NTRK3: variants seen among roughly 807,000 people sequenced by gnomAD.
NTRK3 encodes NT-3 growth factor receptor.
NTRK3 carries 24 observed loss-of-function variants against 91.7 expected under a neutral mutation model. That is an observed-to-expected ratio of 0.26 (90% CI 0.19 to 0.37). NTRK3 has a LOEUF of 0.37. Among genes scored for constraint, NTRK3 ranks in the 10% least tolerant of loss-of-function variants. NTRK3 has a pLI of 1.00. For missense variants in NTRK3, 880 were observed against 1,068.9 expected, an observed-to-expected ratio of 0.82 and a Z score of 2.46; for synonymous variants, 483 against 404.0, an observed-to-expected ratio of 1.20 and a Z score of -2.34.
At chr15:88,157,242 C>T (rs569023544) in intron 5 of NTRK3, among the ~76,000 whole-genome samples, 21 of 152,204 alleles carry the variant, frequency 1.4e-4, no homozygotes, top group South Asian at 1.3e-3. Context: ...CACACACACA[C>T]CACACTACAC....
At chr15:87,981,179 G>C in intron 14 of NTRK3, 2 of 1,552,476 alleles carry the variant, frequency 1.3e-6, no homozygotes, top group Non-Finnish European at 1.7e-6. Context: ...AATTGGTTAG[G>C]GGAGGGATCT....
chr15:88,223,693 C>T (rs1368977657), intron 3 of NTRK3, among the ~76,000 whole-genome samples: 1 of 152,178 alleles, frequency 6.6e-6, no homozygotes, highest in Non-Finnish European at 1.5e-5. Context: ...ATGTAATGGG[C>T]ATAATAATAC....
At chr15:87,885,802 GA>G (rs1292526571) in intron 17 of NTRK3, 67 bp from the exon 18 acceptor site, 1 of 622,800 alleles carries the variant, frequency 1.6e-6, no homozygotes, top group African/African-American at 1.9e-5. Flanking sequence ...TTTATCCTCA[GA>G]AAAGGAAGGC....
At chr15:87,947,835 C>A (rs1485177541) in intron 14 of NTRK3, among the ~76,000 whole-genome samples, 1 of 152,182 alleles carries the variant, frequency 6.6e-6, no homozygotes, top group Admixed American at 6.5e-5. Flanking sequence ...TTTAATTACA[C>A]ATGAAATGGA....
Position 87,974,744 on chromosome 15 carries a change from T to G in NTRK3, c.1586-33991A>C, listed in dbSNP as rs1204761378. On this transcript the variant is annotated intron_variant, in intron 14 of 18. Transcript: ENST00000394480. ...ACCCCCAAGTCACTAAATGCTACAATGAGAGGAAAGAACGTTGCAGATGTT... is the reference window on the plus strand; with the variant it reads ...ACCCCCAAGTCACTAAATGCTACAAGGAGAGGAAAGAACGTTGCAGATGTT... Among the ~76,000 whole-genome samples, 87 of 152,150 alleles carry G rather than the reference T, an allele frequency of 5.7e-4. 1 individual carries two copies. Among genetic ancestry groups the G allele is most frequent in the Admixed American group, 5.7e-3 (87 of 15,274 alleles).
intron 9 of NTRK3, 150 bp downstream of exon 9, chr15:88,135,749 C>A: frequency 9.3e-7 from 1 of 1,078,882 alleles, no homozygotes. Flanking sequence ...GGACTTACTT[C>A]TCAGTCCTGC....
intron 13 of NTRK3, among the ~76,000 whole-genome samples, chr15:88,055,511 T>A (rs2045602091): frequency 6.6e-6 from 1 of 152,220 alleles, no homozygotes; most frequent in Non-Finnish European, 1.5e-5. Flanking sequence ...ATAATCTTCA[T>A]CATCACAGCA....
chr15:87,989,516 G>A (rs1197330502), intron 14 of NTRK3, among the ~76,000 whole-genome samples: 1 of 152,094 alleles, frequency 6.6e-6, no homozygotes, highest in African/African-American at 2.4e-5. Flanking sequence ...AGTTGGGGGA[G>A]GGGGAGGAAT....
chr15:88,208,374 G>A (rs536285403), intron 3 of NTRK3, among the ~76,000 whole-genome samples: 10 of 152,112 alleles, frequency 6.6e-5, no homozygotes, highest in Non-Finnish European at 1.5e-4. Context: ...AATCAAAATA[G>A]AGTGGACACA....
chr15:88,089,335 C>T (rs1027027308), intron 13 of NTRK3, among the ~76,000 whole-genome samples: 1 of 152,126 alleles, frequency 6.6e-6, no homozygotes, highest in Admixed American at 6.5e-5. Context: ...CCAACCATTC[C>T]ATTTCTAGAA....
At chr15:88,191,052 A>G (rs988280310) in intron 3 of NTRK3, among the ~76,000 whole-genome samples, 3 of 152,160 alleles carry the variant, frequency 2.0e-5, no homozygotes, top group African/African-American at 7.2e-5. Context: ...AGTTAAGTGA[A>G]GCTTTCCTGG....
At chr15:88,143,550 G>T (rs1048786330) in intron 6 of NTRK3, among the ~76,000 whole-genome samples, 1 of 152,196 alleles carries the variant, frequency 6.6e-6, no homozygotes, top group Non-Finnish European at 1.5e-5. Context: ...ACTCTCTAAG[G>T]TTCTCTTTTA....
chr15:88,160,382 C>T (rs1425975470), intron 5 of NTRK3, among the ~76,000 whole-genome samples: 2 of 152,180 alleles, frequency 1.3e-5, no homozygotes. Context: ...GAAGCAGAGA[C>T]CTTAGCTTAG....
intron 3 of NTRK3, among the ~76,000 whole-genome samples, chr15:88,242,593 C>A (rs556691166): frequency 2.0e-5 from 3 of 152,196 alleles, no homozygotes; most frequent in Non-Finnish European, 1.5e-5. Context: ...GGAAGTATCA[C>A]GGTCTTTTAT....
intron 5 of NTRK3, among the ~76,000 whole-genome samples, chr15:88,157,605 C>T (rs1409245491): frequency 1.3e-5 from 2 of 152,004 alleles, no homozygotes; most frequent in African/African-American, 4.8e-5. Flanking sequence ...ACCTTCACGT[C>T]TCTGCGCTGA....
chr15:88,249,833 G>A (rs898362799), intron 3 of NTRK3, among the ~76,000 whole-genome samples: 9 of 152,150 alleles, frequency 5.9e-5, no homozygotes, highest in African/African-American at 1.9e-4. Context: ...GACATGAGCT[G>A]ATCACTCAGT....
At chr15:88,217,148 C>T (rs958417058) in intron 3 of NTRK3, among the ~76,000 whole-genome samples, 1 of 152,124 alleles carries the variant, frequency 6.6e-6, no homozygotes, top group Non-Finnish European at 1.5e-5. Context: ...AGACATTAGG[C>T]TGCTGGTGGT....
chr15:88,137,288 C>T (rs966296892), intron 7 of NTRK3, 116 bp downstream of exon 7: 2 of 1,220,992 alleles, frequency 1.6e-6, no homozygotes, highest in African/African-American at 3.0e-5. Flanking sequence ...GAGTTCAAGG[C>T]TGGGAGGGCG....
chr15:88,206,658 GAAAAAAAAAAAA>G (rs758639696), intron 3 of NTRK3, among the ~76,000 whole-genome samples: 1 of 59,614 alleles, frequency 1.7e-5, no homozygotes, highest in Non-Finnish European at 3.6e-5. Context: ...ACTCCGTCTC[GAAAAAAAAAAAA>G]AAAAAAACAA....
Sources: allele counts gnomAD v4.1 joint callset (sites outside exome capture counted in the v4.1 genomes callset), GRCh38; gene constraint gnomAD v4.1.1; transcripts MANE v1.5; gene names NCBI Gene and HGNC (gene_info 2026-07-23, HGNC 2026-07-21).